PLB1: variants seen among roughly 807,000 people sequenced by gnomAD.
PLB1 encodes the protein phospholipase B1, also known as phospholipase B1, membrane-associated.
Under a neutral mutation model 227.4 loss-of-function variants are expected in PLB1, and 242 were observed. The observed-to-expected ratio is 1.06, with a 90% CI of 0.96 to 1.18. The LOEUF (loss-of-function observed/expected upper bound fraction) is 1.18, where lower values mean the gene tolerates loss of function less well. Ranked by LOEUF, PLB1 falls within the 50% of genes most tolerant of loss-of-function variation. The probability of loss-of-function intolerance (pLI) is 0.00; values close to 1 mark genes in which losing one functional copy is unlikely to be tolerated. For missense variants in PLB1, 1,858 were observed against 1,816.3 expected, an observed-to-expected ratio of 1.02 and a Z score of -0.42; for synonymous variants, 757 against 682.2, an observed-to-expected ratio of 1.11 and a Z score of -1.71.
chr2:28,612,883 G>T (rs1302848125), intron 43 of PLB1, among the ~76,000 whole-genome samples: 1 of 149,402 alleles, frequency 6.7e-6, no homozygotes, highest in East Asian at 2.0e-4. Context: ...CTCCCAAAGT[G>T]CTGGGGTTAC....
chr2:28,516,853 G>T lies in PLB1; in HGVS notation c.101G>T (p.Gly34Val), dbSNP rs369990344. 6.2e-7 allele frequency: 1 copy of T among 1,613,782 alleles called. No individual in the cohort carries two copies. Among genetic ancestry groups the T allele is most frequent in the African/African-American group, 1.3e-5 (1 of 74,920 alleles). Reference sequence around the variant, plus strand: ...TCTCCTAGAAAGAGTACATTGGAAGGGCAGCTATGGCCAGAGGTAAGGGCT... The same window carrying T: ...TCTCCTAGAAAGAGTACATTGGAAGTGCAGCTATGGCCAGAGGTAAGGGCT... ...HTSPRKSTLE[G>V]QLWPETLKNS... Residue 34 changes from glycine to valine, a missense_variant, in exon 2 of 58, where the codon GGG becomes GTG. Transcript: ENST00000327757.
At chr2:28,515,090 A>C (rs1053963484) in intron 1 of PLB1, among the ~76,000 whole-genome samples, 1 of 152,258 alleles carries the variant, frequency 6.6e-6, no homozygotes, top group Non-Finnish European at 1.5e-5. Flanking sequence ...ATTAGTTCAC[A>C]TAAGTGCTTA....
Position 28,605,928 on chromosome 2 carries a change from A to G in PLB1, c.3037A>G (p.Arg1013Gly). Reference protein sequence around the residue: ...PNQKFHSQLARALWTNMLEPL... With the variant: ...PNQKFHSQLAGALWTNMLEPL... ...TCAGAAATTCCACTCCCAGCTGGCC[A>G]GAGCCCTTTGGACCAATATGGTAAA... Residue 1013 changes from arginine to glycine, a missense_variant, in exon 42 of 58, where the codon AGA becomes GGA. Coordinates refer to ENST00000327757, the MANE Select transcript of PLB1 (RefSeq NM_153021.5). 2 of 1,612,866 alleles carry G rather than the reference A, an allele frequency of 1.2e-6. No homozygotes were observed. Among genetic ancestry groups the G allele is most frequent in the Non-Finnish European group, 1.7e-6 (2 of 1,178,886 alleles).
chr2:28,620,605 G>A lies in PLB1; in HGVS notation c.3389G>A (p.Gly1130Glu), dbSNP rs758175714. Residue 1130 changes from glycine to glutamate, a missense_variant, in exon 48 of 58, where the codon GGA (glycine) becomes GAA (glutamate). By Grantham distance (98) the Gly-to-Glu change is moderately conservative. Coordinates refer to ENST00000327757, the MANE Select transcript of PLB1 (RefSeq NM_153021.5). ...ATATGCTTTCTCCTCCCCAGCATTG[G>A]AGGGGATGGGAACTTGGAGACTCAC... ...TSWRGLSWSI[G>E]GDGNLETHTT... 1 of 1,613,708 alleles carries A rather than the reference G, an allele frequency of 6.2e-7. No individual in the cohort carries two copies. The highest frequency in any genetic ancestry group is 8.5e-7 in the Non-Finnish European group (1 of 1,179,864).
intron 9 of PLB1, among the ~76,000 whole-genome samples, chr2:28,536,843 G>T (rs901254613): frequency 1.3e-5 from 2 of 152,156 alleles, no homozygotes; most frequent in African/African-American, 2.4e-5. Context: ...GCAGTGCCTG[G>T]AATGACTGGG....
intron 15 of PLB1, 24 bp from the exon 16 acceptor site, chr2:28,549,986 C>G: frequency 6.3e-7 from 1 of 1,599,828 alleles, no homozygotes; most frequent in South Asian, 1.1e-5. Flanking sequence ...GGTCACGATT[C>G]CAACATGTCA....
At position 28,585,799 on chromosome 2, in the gene PLB1, C is replaced by T. The variant is rs146437962; in HGVS notation, c.1772C>T (p.Ser591Leu). The T allele has an allele frequency of 6.8e-6, 11 of 1,612,634 alleles. No individual in the cohort carries two copies. The highest frequency in any genetic ancestry group is 1.3e-5 in the African/African-American group (1 of 74,866). The change falls in exon 26 of 58, where the codon TCA becomes TTA. Residue 591 changes from serine to leucine, a missense_variant. Transcript: ENST00000327757. Reference protein sequence around the residue: ...CPCVLKFDDNSTELATLIEFN... With the variant: ...CPCVLKFDDNLTELATLIEFN... ...TGTGTCCTGAAGTTTGATGATAACTCAACAGAACTTGCTACCCTCATCGAA... is the reference window on the plus strand; with the variant it reads ...TGTGTCCTGAAGTTTGATGATAACTTAACAGAACTTGCTACCCTCATCGAA...
In PLB1 at chr2:28,524,518, A is replaced by C. The variant is rs544482620; in HGVS notation, c.244-749A>C. 7.6e-3 allele frequency among the ~76,000 whole-genome samples: 1,152 copies of C among 152,284 alleles called. 14 individuals are homozygous for C. Among genetic ancestry groups the C allele is most frequent in the African/African-American group, 0.026 (1,070 of 41,538 alleles). ...ATATGGATTCAACATATATTTGTTA[A>C]ATACTTACAACACACCCAGGCACTG... On this transcript the variant is annotated intron_variant, in intron 4 of 57. Transcript: ENST00000327757.
At chr2:28,581,960 C>T in intron 23 of PLB1, 108 bp from the exon 24 acceptor site, 1 of 1,080,224 alleles carries the variant, frequency 9.3e-7, no homozygotes. Flanking sequence ...GATCCTATCT[C>T]AAAAAAAGAA....
intron 1 of PLB1, among the ~76,000 whole-genome samples, chr2:28,512,680 T>TTC (rs978679279): frequency 3.0e-4 from 44 of 147,900 alleles, no homozygotes; most frequent in African/African-American, 1.1e-3. Context: ...AGTTTTTTTT[T>TTC]CTTTCTTCTT....
chr2:28,508,197 G>T (rs534882689), intron 1 of PLB1, among the ~76,000 whole-genome samples: 6 of 152,246 alleles, frequency 3.9e-5, no homozygotes, highest in Admixed American at 2.0e-4. Context: ...TCTACACATG[G>T]CTCTGTTATA....
chr2:28,516,137 T>C (rs1199680878), intron 1 of PLB1, among the ~76,000 whole-genome samples: 2 of 152,096 alleles, frequency 1.3e-5, no homozygotes, highest in Non-Finnish European at 2.9e-5. Context: ...CTTATCTACG[T>C]GTACACTTAA....
intron 14 of PLB1, among the ~76,000 whole-genome samples, chr2:28,545,353 T>A (rs1472268446): frequency 6.6e-6 from 1 of 152,124 alleles, no homozygotes; most frequent in Non-Finnish European, 1.5e-5. Context: ...CCCCAGTCCC[T>A]CGTTTCCTCA....
chr2:28,498,616 C>T (rs1397677127), intron 1 of PLB1, among the ~76,000 whole-genome samples: 2 of 152,108 alleles, frequency 1.3e-5, no homozygotes, highest in Non-Finnish European at 2.9e-5. Context: ...ATTGAAAAAT[C>T]GGTTGTTTCC....
intron 16 of PLB1, 45 bp downstream of exon 16, chr2:28,550,129 G>A: frequency 6.9e-7 from 1 of 1,450,954 alleles, no homozygotes; most frequent in Non-Finnish European, 9.5e-7. Flanking sequence ...AGATGAACCA[G>A]GGGCTGTACT....
At chr2:28,634,178 C>G (rs1689028825) in intron 56 of PLB1, among the ~76,000 whole-genome samples, 1 of 152,194 alleles carries the variant, frequency 6.6e-6, no homozygotes, top group Admixed American at 6.5e-5. Flanking sequence ...CTGTGGACAT[C>G]ACGTACCTGC....
intron 19 of PLB1, among the ~76,000 whole-genome samples, chr2:28,565,874 C>T (rs1166779793): frequency 6.6e-6 from 1 of 152,126 alleles, no homozygotes; most frequent in Non-Finnish European, 1.5e-5. Context: ...TGGTAGTTGG[C>T]ATTGTTATTA....
rs555578590 is a variant in PLB1 at position 28,511,154 on chromosome 2, A to G, written c.56-5654A>G. ...CAGTTTAACTCCATTTATTCCATCCAAATCTGCCCACAAAGCAATTTGTTT... is the reference window on the plus strand; with the variant it reads ...CAGTTTAACTCCATTTATTCCATCCGAATCTGCCCACAAAGCAATTTGTTT... On this transcript the variant is annotated intron_variant, in intron 1 of 57. Coordinates refer to ENST00000327757, the MANE Select transcript of PLB1 (RefSeq NM_153021.5). Among the ~76,000 whole-genome samples the G allele has an allele frequency of 3.9e-5, 6 of 152,302 alleles. No homozygotes were observed. The East Asian group carries it at 9.6e-4, about 24-fold the overall frequency.
At chr2:28,641,138 A>C in intron 57 of PLB1, 137 bp downstream of exon 57, 1 of 781,990 alleles carries the variant, frequency 1.3e-6, no homozygotes, top group South Asian at 2.0e-5. Flanking sequence ...CTCAAATCCC[A>C]CCTGTCCCCA....
Sources: allele counts gnomAD v4.1 joint callset (sites outside exome capture counted in the v4.1 genomes callset), GRCh38; gene constraint gnomAD v4.1.1; transcripts MANE v1.5; gene names NCBI Gene and HGNC (gene_info 2026-07-23, HGNC 2026-07-21).